FGF14: variants seen among roughly 807,000 people sequenced by gnomAD.
FGF14 encodes the protein fibroblast growth factor 14.
In FGF14, 5 loss-of-function variants were observed where a neutral mutation model predicts 25.5. The observed-to-expected ratio is 0.20, with a 90% confidence interval of 0.10 to 0.41. The LOEUF (loss-of-function observed/expected upper bound fraction) is 0.41, where lower values mean the gene tolerates loss of function less well. Among genes scored for constraint, FGF14 ranks in the 10% least tolerant of loss-of-function variants. The pLI, the probability that FGF14 is intolerant of heterozygous loss-of-function variation, is 1.00. For synonymous variants in FGF14, 138 were observed against 118.3 expected, an observed-to-expected ratio of 1.17 and a Z score of -1.08; for missense variants, 222 against 320.1, an observed-to-expected ratio of 0.69 and a Z score of 2.34.
At chr13:101,900,330 T>A (rs2031360995) in intron 1 of FGF14, among the ~76,000 whole-genome samples, 1 of 151,810 alleles carries the variant, frequency 6.6e-6, no homozygotes, top group Non-Finnish European at 1.5e-5. Flanking sequence ...ATAATAAAAT[T>A]AAGAAGAAAT....
rs1197144401 is a variant in FGF14, at chr13:101,823,389, TATATATA to T, written c.408+45329_408+45335del. Among the ~76,000 whole-genome samples the T allele has an allele frequency of 8.7e-5, 13 of 148,938 alleles. No individual in the cohort carries two copies. In the South Asian group the frequency reaches 1.9e-3, roughly 22 times the overall value. Reference sequence around the variant, plus strand: ...ATATATATTATAAATACATGTTTTGTATATATAATATATATTTTGTATATATTCATAT... The same window carrying T: ...ATATATATTATAAATACATGTTTTGTATATATATTTTGTATATATTCATAT... On this transcript the variant is annotated intron_variant, in intron 3 of 4. Transcript: ENST00000376143.
At chr13:102,349,229 C>A (rs1385370417) in intron 1 of FGF14, among the ~76,000 whole-genome samples, 1 of 152,172 alleles carries the variant, frequency 6.6e-6, no homozygotes, top group Non-Finnish European at 1.5e-5. Context: ...TACATTCACA[C>A]CAAGCATCAT....
At chr13:102,168,094 G>C (rs567762572) in intron 1 of FGF14, among the ~76,000 whole-genome samples, 1 of 152,168 alleles carries the variant, frequency 6.6e-6, no homozygotes, top group African/African-American at 2.4e-5. Flanking sequence ...ACAAATCACT[G>C]ACAGCCATTC....
intron 1 of FGF14, among the ~76,000 whole-genome samples, chr13:102,067,308 C>A (rs1457881975): frequency 3.3e-5 from 5 of 152,060 alleles, no homozygotes; most frequent in African/African-American, 1.2e-4. Flanking sequence ...CTCAGCTTGA[C>A]AAATCAAAAC....
intron 1 of FGF14, among the ~76,000 whole-genome samples, chr13:102,238,133 T>C (rs552318254): frequency 5.3e-5 from 8 of 152,312 alleles, no homozygotes; most frequent in Non-Finnish European, 1.2e-4. Flanking sequence ...AATTGGAACA[T>C]AAGAAATTTG....
intron 1 of FGF14, among the ~76,000 whole-genome samples, chr13:102,220,660 T>C (rs773491999): frequency 3.3e-5 from 5 of 152,232 alleles, no homozygotes; most frequent in Non-Finnish European, 7.3e-5. Flanking sequence ...AGGCATTATA[T>C]ACATTTTTCA....
At chr13:101,826,442 C>G (rs1312562655) in intron 3 of FGF14, among the ~76,000 whole-genome samples, 1 of 151,930 alleles carries the variant, frequency 6.6e-6, no homozygotes, top group African/African-American at 2.4e-5. Flanking sequence ...AATAGCTATC[C>G]CAGTTAAATC....
At chr13:102,197,827 A>G (rs970231608) in intron 1 of FGF14, among the ~76,000 whole-genome samples, 2 of 152,192 alleles carry the variant, frequency 1.3e-5, no homozygotes, top group Non-Finnish European at 2.9e-5. Flanking sequence ...AAATTATTTC[A>G]GGGTCTCAGA....
chr13:102,125,355 G>A (rs980274735), intron 1 of FGF14, among the ~76,000 whole-genome samples: 15 of 152,172 alleles, frequency 9.9e-5, no homozygotes, highest in African/African-American at 2.9e-4. Flanking sequence ...ATAGAAAACC[G>A]TAAGAGTCAC....
intron 1 of FGF14, among the ~76,000 whole-genome samples, chr13:102,214,160 C>T (rs1477827836): frequency 6.6e-6 from 1 of 152,232 alleles, no homozygotes; most frequent in Non-Finnish European, 1.5e-5. Context: ...CTTGAGTTGG[C>T]TGCACTTGCA....
intron 3 of FGF14, among the ~76,000 whole-genome samples, chr13:101,805,394 A>G (rs1254598400): frequency 6.6e-6 from 1 of 152,184 alleles, no homozygotes; most frequent in Non-Finnish European, 1.5e-5. Flanking sequence ...TATAAAAGCT[A>G]TAGACAGCTG....
At chr13:101,901,925 C>T (rs1001986411) in intron 1 of FGF14, among the ~76,000 whole-genome samples, 1 of 152,104 alleles carries the variant, frequency 6.6e-6, no homozygotes, top group African/African-American at 2.4e-5. Context: ...ACATAATTAA[C>T]ATACAAAAAT....
chr13:102,357,505 A>T (rs902265371), intron 1 of FGF14, among the ~76,000 whole-genome samples: 1 of 152,224 alleles, frequency 6.6e-6, no homozygotes, highest in Non-Finnish European at 1.5e-5. Context: ...ATGCAACTCA[A>T]TGTAGCTGTT....
intron 3 of FGF14, among the ~76,000 whole-genome samples, chr13:101,851,146 T>A (rs2043824372): frequency 6.6e-6 from 1 of 151,694 alleles, no homozygotes; most frequent in Non-Finnish European, 1.5e-5. Context: ...GCTATTAGAG[T>A]GGGCCCTAAT....
At chr13:102,049,098 A>C (rs1164378016) in intron 1 of FGF14, among the ~76,000 whole-genome samples, 1 of 151,770 alleles carries the variant, frequency 6.6e-6, no homozygotes, top group African/African-American at 2.4e-5. Flanking sequence ...AAGAAACTTC[A>C]ATCAACCATT....
intron 1 of FGF14, among the ~76,000 whole-genome samples, chr13:101,960,152 C>T (rs1189158829): frequency 1.3e-5 from 2 of 152,166 alleles, no homozygotes; most frequent in African/African-American, 4.8e-5. Flanking sequence ...TGGTATTAAG[C>T]ATATAAGCTG....
intron 3 of FGF14, among the ~76,000 whole-genome samples, chr13:101,759,301 T>C (rs1435790221): frequency 1.3e-5 from 2 of 152,104 alleles, no homozygotes; most frequent in Non-Finnish European, 2.9e-5. Context: ...GGCACATATA[T>C]ATGTACATGT....
intron 1 of FGF14, among the ~76,000 whole-genome samples, chr13:102,243,235 T>C (rs1351217729): frequency 6.6e-6 from 1 of 152,140 alleles, no homozygotes; most frequent in East Asian, 1.9e-4. Flanking sequence ...AATAACTTTC[T>C]ATCTTCTTTA....
chr13:102,097,517 A>G (rs2044458393), intron 1 of FGF14, among the ~76,000 whole-genome samples: 1 of 152,212 alleles, frequency 6.6e-6, no homozygotes, highest in Admixed American at 6.5e-5. Flanking sequence ...CTGTCTCCCA[A>G]GTAGACTTGG....
Sources: allele counts gnomAD v4.1 joint callset (sites outside exome capture counted in the v4.1 genomes callset), GRCh38; gene constraint gnomAD v4.1.1; transcripts MANE v1.5; gene names NCBI Gene and HGNC (gene_info 2026-07-23, HGNC 2026-07-21).